RAB13: variants seen among roughly 807,000 people sequenced by gnomAD.
RAB13 encodes ras-related protein Rab-13.
In RAB13, 15 loss-of-function variants were observed where a neutral mutation model predicts 29.3. The ratio of observed to expected loss-of-function variants is 0.51; its 90% CI spans 0.34 to 0.79. The LOEUF is 0.79. Ranked by LOEUF, RAB13 falls within the 30% of genes least tolerant of loss-of-function variation. The pLI is 0.01. For missense variants in RAB13, 186 were observed against 255.5 expected (o/e 0.73, Z 1.85); for synonymous variants, 82 against 93.8 (o/e 0.87, Z 0.73).
At position 153,984,726 on chromosome 1, in the gene RAB13, T is replaced by C. The variant is rs1184095964; in HGVS notation, c.180A>G (p.Gln60=). 1.2e-6 allele frequency: 2 copies of C among 1,613,108 alleles called. No homozygotes were observed. The highest frequency in any genetic ancestry group is 1.6e-4 in the Middle Eastern group (1 of 6,080). The part of the protein sequence containing the change: ...VDIEGKKIKL[Q]VWDTAGQERF... ...ATCCCAGAGGACTGACTTACCAGAC[T>C]TGTAGTTTGATCTTCTTCCCCTCTA... The change falls in exon 2 of 8, where the codon CAA becomes CAG. Residue 60 remains glutamine, a synonymous_variant. Coordinates refer to ENST00000368575, the MANE Select transcript of RAB13 (RefSeq NM_002870.5).
upstream of RAB13, chr1:153,986,437 G>C: frequency 1.8e-6 from 1 of 549,096 alleles, no homozygotes; most frequent in Middle Eastern, 4.7e-4. Context: ...AGCAGGCCAA[G>C]GCTGCCAGCC....
rs202131118 is a variant in RAB13 at position 153,982,426 on chromosome 1, G to A, written c.499C>T (p.Arg167Trp). 1.4e-5 allele frequency: 22 copies of A among 1,613,858 alleles called. No individual in the cohort carries two copies. Among genetic ancestry groups the A allele is most frequent in the Admixed American group, 1.3e-4 (8 of 59,986 alleles). The change falls in exon 7 of 8, where the codon CGG (arginine) becomes TGG (tryptophan). Residue 167 changes from arginine to tryptophan, a missense_variant. By Grantham distance (101) the Arg-to-Trp change is moderately radical. Coordinates refer to ENST00000368575, the MANE Select transcript of RAB13 (RefSeq NM_002870.5). Reference protein sequence around the residue: ...NVDEAFSSLARDILLKSGGRR... With the variant: ...NVDEAFSSLAWDILLKSGGRR... ...CCTCCTGACTTGAGCAAGATGTCCC[G>A]GGCCAGGGAACTAAAAGCCTAAAGT...
Position 153,982,146 on chromosome 1 carries a change from G to A in RAB13, c.565C>T (p.Leu189=), listed in dbSNP as rs1648994879. Residue 189 remains leucine (L), a synonymous_variant, in exon 8 of 8, where the codon CTG becomes TTG. Transcript: ENST00000368575. The part of the protein sequence containing the change: ...GNGNKPPSTD[L]KTCDKKNTNK... ...GTGTTCTTCTTGTCACAAGTTTTCA[G>A]GTCAGTACTGGGAGGCTTGTTGCCG... The A allele has an allele frequency of 2.5e-6, 4 of 1,614,072 alleles. No homozygotes were observed. Among genetic ancestry groups the A allele is most frequent in the Middle Eastern group, 1.7e-4 (1 of 6,022 alleles).
upstream of RAB13, among the ~76,000 whole-genome samples, chr1:153,989,275 A>G (rs562787113): frequency 8.6e-5 from 12 of 140,188 alleles, no homozygotes; most frequent in Admixed American, 1.4e-4. Context: ...TTTGAGACGG[A>G]GTCTCGCTCT....
Position 153,981,934 on chromosome 1 carries a change from CT to C in RAB13, c.*164del, listed in dbSNP as rs367911650. ...CTCCCTTCTCCCTTCCTCTCTCTTC[CT>C]TTTTTTCCTTTCTGCTTTTCCCTTT... On this transcript the variant is annotated 3_prime_UTR_variant, in exon 8 of 8. Transcript: ENST00000368575. 8.1e-4 allele frequency: 524 copies of C among 646,224 alleles called. 2 individuals are homozygous for C. The African/African-American group carries it at 8.2e-3, about 10-fold the overall frequency. 40.0% of individuals were successfully genotyped at this position (646,224 alleles called of 1,614,324 possible).
upstream of RAB13, among the ~76,000 whole-genome samples, chr1:153,989,914 T>TA (rs977180322): frequency 1.1e-4 from 17 of 150,522 alleles, no homozygotes; most frequent in Non-Finnish European, 2.1e-4. Context: ...AAAATAAAAA[T>TA]AAAAAAAAAG....
upstream of RAB13, among the ~76,000 whole-genome samples, chr1:153,987,493 G>A (rs1649206416): frequency 7.3e-6 from 1 of 136,252 alleles, no homozygotes; most frequent in South Asian, 2.4e-4. Flanking sequence ...TCCAGCTTGG[G>A]CGACAGAGCC....
At chr1:153,989,288 C>A (rs1225445201), upstream of RAB13, among the ~76,000 whole-genome samples, 1 of 141,296 alleles carries the variant, frequency 7.1e-6, no homozygotes, top group East Asian at 2.0e-4. Context: ...CTCGCTCTGT[C>A]GCCCAGGCTG....
chr1:153,987,173 T>C (rs1034943536), upstream of RAB13, among the ~76,000 whole-genome samples: 1 of 152,170 alleles, frequency 6.6e-6, no homozygotes, highest in Non-Finnish European at 1.5e-5. Context: ...ATGTGTAGCC[T>C]TGGTAACCAG....
At chr1:153,985,900 C>A in intron 1 of RAB13, 1 of 636,010 alleles carries the variant, frequency 1.6e-6, no homozygotes, top group South Asian at 3.1e-5. Context: ...GAGCTGGCAG[C>A]AGTTGAAGAG....
chr1:153,985,940 T>G, intron 1 of RAB13, 173 bp downstream of exon 1: 6 of 1,145,968 alleles, frequency 5.2e-6, no homozygotes, highest in South Asian at 1.9e-5. Flanking sequence ...AGGTGAGAGG[T>G]TTGGTTACTA....
At position 153,983,211 on chromosome 1, in the gene RAB13, GT is replaced by G; in HGVS notation, c.324+7del. 1 of 1,608,990 alleles carries G rather than the reference GT, an allele frequency of 6.2e-7. No individual in the cohort carries two copies. The highest frequency in any genetic ancestry group is 8.5e-7 in the Non-Finnish European group (1 of 1,175,408). On this transcript the variant is annotated splice_region_variant and intron_variant, in intron 4 of 7. Transcript: ENST00000368575. Reference sequence around the variant, plus strand: ...CCAGTTTCCCCATCTCTTTTGGAGGGTCCTCACCTCCTTGATGCTTTTCATC... The same window carrying G: ...CCAGTTTCCCCATCTCTTTTGGAGGGCCTCACCTCCTTGATGCTTTTCATC...
chr1:153,987,515 CAAAA>C (rs775480072), upstream of RAB13, among the ~76,000 whole-genome samples: 7 of 97,046 alleles, frequency 7.2e-5, no homozygotes, highest in East Asian at 2.3e-4. Context: ...GACTCCGTCT[CAAAA>C]AAAAAAAAAA....
chr1:153,989,021 G>C (rs931791995), upstream of RAB13, among the ~76,000 whole-genome samples: 1 of 148,410 alleles, frequency 6.7e-6, no homozygotes. Context: ...TTGGGTTCAA[G>C]CGATTCTCCA....
chr1:153,983,150 C>A, intron 4 of RAB13, 69 bp downstream of exon 4: 7 of 1,393,418 alleles, frequency 5.0e-6, no homozygotes, highest in Non-Finnish European at 7.1e-6. Flanking sequence ...TAGGTCTTGC[C>A]TATCCTGATG....
chr1:153,982,627 T>G, intron 5 of RAB13, 27 bp from the exon 6 acceptor site: 1 of 1,612,364 alleles, frequency 6.2e-7, no homozygotes, highest in East Asian at 2.2e-5. Context: ...GGGAAGAGAA[T>G]TGAATTAAGG....
intron 1 of RAB13, chr1:153,984,983 C>T (rs985213100): frequency 2.6e-5 from 34 of 1,294,118 alleles, no homozygotes; most frequent in Non-Finnish European, 3.2e-5. Flanking sequence ...TTTTTACGTA[C>T]ATTTTATGGA....
At chr1:153,989,320 G>C (rs1379745711), upstream of RAB13, among the ~76,000 whole-genome samples, 1 of 149,430 alleles carries the variant, frequency 6.7e-6, no homozygotes, top group African/African-American at 2.4e-5. Context: ...CGCGATCTCC[G>C]CTCACTGCAA....
chr1:153,990,046 T>C (rs1028749796), upstream of RAB13, among the ~76,000 whole-genome samples: 4 of 152,212 alleles, frequency 2.6e-5, no homozygotes, highest in African/African-American at 9.6e-5. Flanking sequence ...GTCTTCCCTA[T>C]TTCTTTTCAC....
Sources: gnomAD v4.1 joint callset for allele counts (sites outside exome capture counted in the v4.1 genomes callset) on GRCh38, gnomAD v4.1.1 for gene constraint, MANE v1.5 for transcripts, NCBI Gene and HGNC (gene_info 2026-07-23, HGNC 2026-07-21) for gene names.